Variants in MAST4 observed in about 807,000 individuals in gnomAD.
The protein encoded by MAST4 is microtubule associated serine/threonine kinase family member 4.
Under a neutral mutation model 162.7 loss-of-function variants are expected in MAST4, and 89 were observed. That is an observed-to-expected ratio of 0.55 (90% confidence interval 0.46 to 0.65). MAST4 has a LOEUF of 0.65. MAST4 is among the 30% of genes least tolerant of loss of function. MAST4 has a pLI of 0.00. For missense variants in MAST4, 3,153 were observed against 3,374.0 expected, an observed-to-expected ratio of 0.93 and a Z score of 1.62; for synonymous variants, 1,479 against 1,361.1, an observed-to-expected ratio of 1.09 and a Z score of -1.91.
At chr5:66,716,068 C>A (rs1233431168) in intron 1 of MAST4, among the ~76,000 whole-genome samples, 1 of 151,702 alleles carries the variant, frequency 6.6e-6, no homozygotes, top group African/African-American at 2.4e-5. Context: ...CAATAAAAAA[C>A]CCTAAAACAT....
chr5:66,651,923 A>G (rs930691692), intron 1 of MAST4, among the ~76,000 whole-genome samples: 7 of 152,184 alleles, frequency 4.6e-5, no homozygotes, highest in African/African-American at 1.7e-4. Flanking sequence ...GGAGTGAGCA[A>G]AACAAGTCAC....
At chr5:66,753,636 C>A (rs1275285928) in intron 1 of MAST4, among the ~76,000 whole-genome samples, 1 of 151,376 alleles carries the variant, frequency 6.6e-6, no homozygotes, top group Non-Finnish European at 1.5e-5. Flanking sequence ...CAATAACAGG[C>A]TCTGAAATTG....
At chr5:66,738,017 A>G (rs566001172) in intron 1 of MAST4, 8 of 152,198 alleles carry the variant, frequency 5.3e-5, no homozygotes, top group Non-Finnish European at 4.4e-5. Context: ...AGAACTCATT[A>G]TGCTGGATGA....
At chr5:67,047,378 C>T (rs1483154908) in intron 4 of MAST4, among the ~76,000 whole-genome samples, 2 of 152,196 alleles carry the variant, frequency 1.3e-5, no homozygotes, top group Non-Finnish European at 2.9e-5. Flanking sequence ...CCATGCTGGC[C>T]TGCCTGCTGC....
In MAST4 at chr5:66,675,341, C is replaced by T. The variant is rs182396420; in HGVS notation, c.363+78323C>T. Among the ~76,000 whole-genome samples the T allele has an allele frequency of 2.0e-5, 3 of 152,296 alleles. No homozygotes were observed. In the East Asian group the frequency reaches 5.8e-4, roughly 29 times the overall value. The stretch of plus-strand genomic sequence containing the variant: ...CTGGACATCCAAAAGGAACGGCAAA[C>T]CTTCACTGCAGTAGTCCAGAAGAAG... On this transcript the variant is annotated intron_variant, in intron 1 of 28. Coordinates refer to ENST00000403625, the MANE Select transcript of MAST4 (RefSeq NM_001164664.2).
rs1248327308 is a variant in MAST4, at chr5:67,130,211, G to A, written c.1747G>A (p.Ala583Thr). The change falls in exon 15 of 29, where the codon GCA becomes ACA. Residue 583 changes from alanine to threonine, a missense_variant and splice_region_variant. Coordinates refer to ENST00000403625, the MANE Select transcript of MAST4 (RefSeq NM_001164664.2). ...IKLISNGAYG[A>T]VYFVRHKESR... ...CCCAATACTTCTGCTCCTTTTCAGGGCAGTCTACTTTGTTCGGCATAAAGA... is the reference window on the plus strand; with the variant it reads ...CCCAATACTTCTGCTCCTTTTCAGGACAGTCTACTTTGTTCGGCATAAAGA... The A allele has an allele frequency of 1.9e-6, 3 of 1,610,334 alleles. No homozygotes were observed. The Admixed American group carries it at 5.0e-5, about 27-fold the overall frequency.
rs771945058 is a variant in MAST4, at chr5:67,166,544, G to A, written c.7365G>A (p.Pro2455=). The A allele has an allele frequency of 2.6e-5, 42 of 1,607,268 alleles. No individual in the cohort carries two copies. Among genetic ancestry groups the A allele is most frequent in the Non-Finnish European group, 3.4e-5 (40 of 1,177,114 alleles). The change falls in exon 29 of 29, where the codon CCG becomes CCA. Residue 2455 remains proline (P), a synonymous_variant. Coordinates refer to ENST00000403625, the MANE Select transcript of MAST4 (RefSeq NM_001164664.2). ...GQSSFRSTAL[P]EKSLSCSSSF... ...GTTCTTTCCGATCCACGGCCCTCCC[G>A]GAAAAGTCTCTGAGCTGCTCCTCCA...
intron 5 of MAST4, among the ~76,000 whole-genome samples, chr5:67,067,501 A>G (rs1760391385): frequency 6.6e-6 from 1 of 152,244 alleles, no homozygotes. Context: ...TTGTAGCTAG[A>G]AATGATACGA....
intron 5 of MAST4, among the ~76,000 whole-genome samples, chr5:67,077,234 T>G (rs1761765288): frequency 6.6e-6 from 1 of 152,242 alleles, no homozygotes. Flanking sequence ...TTTCTGAAAC[T>G]TGAATGCACA....
At chr5:66,928,347 CTG>C (rs944755599) in intron 4 of MAST4, among the ~76,000 whole-genome samples, 4 of 152,174 alleles carry the variant, frequency 2.6e-5, no homozygotes, top group African/African-American at 9.7e-5. Context: ...AGTGAAAGGA[CTG>C]TGGAAAAACA....
chr5:67,054,355 A>T (rs1206635042), intron 4 of MAST4, 49 bp from the exon 5 acceptor site: 8 of 1,474,372 alleles, frequency 5.4e-6, no homozygotes, highest in Admixed American at 2.0e-5. Context: ...GTTGAACATT[A>T]TTGATGCTAT....
intron 16 of MAST4, among the ~76,000 whole-genome samples, chr5:67,132,172 G>GTA (rs896487417): frequency 1.1e-4 from 16 of 152,020 alleles, no homozygotes; most frequent in African/African-American, 3.4e-4. Flanking sequence ...CAATGCATAT[G>GTA]TATATATATA....
intron 3 of MAST4, among the ~76,000 whole-genome samples, chr5:66,860,763 A>C (rs1226209913): frequency 8.8e-6 from 1 of 113,740 alleles, no homozygotes; most frequent in Non-Finnish European, 1.9e-5. Flanking sequence ...ACTTAAAAAA[A>C]CAAAACCAAA....
intron 1 of MAST4, among the ~76,000 whole-genome samples, chr5:66,751,148 A>C (rs1183763967): frequency 6.6e-6 from 1 of 152,100 alleles, no homozygotes; most frequent in South Asian, 2.1e-4. Flanking sequence ...CCATCTGTAC[A>C]TCACCATCAT....
intron 4 of MAST4, among the ~76,000 whole-genome samples, chr5:66,963,544 A>G (rs1388306329): frequency 1.3e-5 from 2 of 152,202 alleles, no homozygotes; most frequent in Non-Finnish European, 2.9e-5. Context: ...CTTGTTCTGT[A>G]TTTTAGAGCT....
At chr5:66,802,493 G>A (rs1298720083) in intron 3 of MAST4, among the ~76,000 whole-genome samples, 1 of 152,028 alleles carries the variant, frequency 6.6e-6, no homozygotes, top group Non-Finnish European at 1.5e-5. Context: ...TTCTATCGTT[G>A]ACTTTAAATC....
At position 66,779,438 on chromosome 5, in the gene MAST4, T is replaced by C. The variant is rs148491110; in HGVS notation, c.518-9232T>C. 3.8e-4 allele frequency among the ~76,000 whole-genome samples: 56 copies of C among 147,580 alleles called. No individual in the cohort carries two copies. In the East Asian group the frequency reaches 9.4e-3, roughly 25 times the overall value. Reference sequence around the variant, plus strand: ...TTTTAAGGCTAGAATAGCAGTTCAATATAGGAGTCAGTGAACTTCTGCACT... The same window carrying C: ...TTTTAAGGCTAGAATAGCAGTTCAACATAGGAGTCAGTGAACTTCTGCACT... On this transcript the variant is annotated intron_variant, in intron 2 of 28. Transcript: ENST00000403625.
At chr5:66,936,178 T>C (rs1024705256) in intron 4 of MAST4, among the ~76,000 whole-genome samples, 6 of 152,226 alleles carry the variant, frequency 3.9e-5, no homozygotes, top group Admixed American at 3.9e-4. Context: ...TGAATTTGCG[T>C]TGGGCAGGGT....
At chr5:66,719,826 T>G (rs1174606428) in intron 1 of MAST4, among the ~76,000 whole-genome samples, 1 of 152,120 alleles carries the variant, frequency 6.6e-6, no homozygotes, top group Non-Finnish European at 1.5e-5. Context: ...CTTAAAGTAT[T>G]TGTGTTTTGT....
Sources: allele counts gnomAD v4.1 joint callset (sites outside exome capture counted in the v4.1 genomes callset), GRCh38; gene constraint gnomAD v4.1.1; transcripts MANE v1.5; gene names NCBI Gene and HGNC (gene_info 2026-07-23, HGNC 2026-07-21).